Variants in PCYT1B observed in about 807,000 individuals in gnomAD.
The protein encoded by PCYT1B is phosphate cytidylyltransferase 1B, choline.
In PCYT1B, 10 loss-of-function variants were observed where a neutral mutation model predicts 26.4. The ratio of observed to expected loss-of-function variants is 0.38; its 90% CI spans 0.23 to 0.64. The LOEUF (loss-of-function observed/expected upper bound fraction) is 0.64. Among genes scored for constraint, PCYT1B ranks in the 30% least tolerant of loss-of-function variants. PCYT1B has a pLI of 0.56. For synonymous variants in PCYT1B, 131 were observed against 108.4 expected (o/e 1.21, Z -1.29); for missense variants, 161 against 292.7 (o/e 0.55, Z 3.28).
chrX:24,649,222 A>T (rs1486714286), upstream of PCYT1B, among the ~76,000 whole-genome samples: 1 of 111,614 alleles, frequency 9.0e-6, no homozygotes, highest in African/African-American at 3.3e-5. Flanking sequence ...TACATTTAGG[A>T]GCCCTTTTCC....
Position 24,579,420 on chromosome X carries a change from T to C in PCYT1B, c.604A>G (p.Thr202Ala). The stretch of plus-strand genomic sequence containing the variant: ...ACAATTCTGGTAATGATGTCCGATG[T>C]TGAGATGCCTTCTGTTCTCTGCGTT... Reference protein sequence around the residue: ...VPTQRTEGISTSDIITRIVRD... With the variant: ...VPTQRTEGISASDIITRIVRD... Residue 202 changes from threonine (T) to alanine (A), a missense_variant, in exon 6 of 8, where the codon ACA becomes GCA. Coordinates refer to ENST00000379144, the MANE Select transcript of PCYT1B (RefSeq NM_004845.5). The C allele has an allele frequency of 8.3e-7, 1 of 1,209,581 alleles. No individual in the cohort carries two copies. The highest frequency in any genetic ancestry group is 1.1e-6 in the Non-Finnish European group (1 of 893,618).
At chrX:24,565,017 G>T (rs1923576464) in intron 7 of PCYT1B, among the ~76,000 whole-genome samples, 1 of 110,285 alleles carries the variant, frequency 9.1e-6, no homozygotes, top group East Asian at 2.9e-4. Flanking sequence ...GGAGGTTTCG[G>T]TGGTTAAGAT....
intron 1 of PCYT1B, among the ~76,000 whole-genome samples, chrX:24,630,883 C>T (rs1926059782): frequency 8.9e-6 from 1 of 111,879 alleles, no homozygotes; most frequent in Non-Finnish European, 1.9e-5. Context: ...CTGATACACT[C>T]AACAACAGCC....
At chrX:24,654,696 G>A (rs1926864118) in intron 1 of PCYT1B, among the ~76,000 whole-genome samples, 2 of 93,668 alleles carry the variant, frequency 2.1e-5, no homozygotes, top group African/African-American at 4.0e-5. Context: ...GTTGCAGTGA[G>A]CCGAGATTGC....
At chrX:24,630,480 A>G (rs1926041984) in intron 1 of PCYT1B, among the ~76,000 whole-genome samples, 3 of 111,172 alleles carry the variant, frequency 2.7e-5, no homozygotes, top group Non-Finnish European at 3.8e-5. Context: ...TATTTTTGCT[A>G]GAGATGGGGT....
Position 24,666,606 on chromosome X carries a change from AGTGTGTGT to A in PCYT1B, c.63+5956_63+5963del, listed in dbSNP as rs3859985. Among the ~76,000 whole-genome samples, 616 of 100,876 alleles carry A rather than the reference AGTGTGTGT, an allele frequency of 6.1e-3. 1 individual carries two copies. The highest frequency in any genetic ancestry group is 0.019 in the African/African-American group (539 of 27,793). 87.6% of individuals were successfully genotyped at this position (100,876 alleles called of 115,157 possible). ...TTTTCTCTTTCCGTGTATGTGTGTG[AGTGTGTGT>A]GTGTGTGTGTGTGTGTGTGTGTGAG... On this transcript the variant is annotated intron_variant, in intron 1 of 7. Coordinates refer to the PCYT1B transcript ENST00000379145.
intron 1 of PCYT1B, among the ~76,000 whole-genome samples, chrX:24,628,894 C>T (rs1337772720): frequency 2.7e-5 from 3 of 111,724 alleles, no homozygotes; most frequent in Non-Finnish European, 5.7e-5. Context: ...TTACTTAGAT[C>T]AGGGGTATGA....
chrX:24,570,189 G>GAA (rs1176471313), intron 7 of PCYT1B, among the ~76,000 whole-genome samples: 7 of 31,661 alleles, frequency 2.2e-4, no homozygotes, highest in Admixed American at 3.7e-4. Context: ...CTCAGTCTCA[G>GAA]AAAAAAAAAA....
chrX:24,599,509 T>C (rs925558449), intron 3 of PCYT1B, among the ~76,000 whole-genome samples: 1 of 111,921 alleles, frequency 8.9e-6, no homozygotes, highest in African/African-American at 3.2e-5. Context: ...CATAAGTACA[T>C]CTCCAGGTAC....
In PCYT1B at chrX:24,618,316, G is replaced by A. The variant is rs191088332; in HGVS notation, c.217+669C>T. Among the ~76,000 whole-genome samples the A allele has an allele frequency of 1.3e-3, 143 of 112,125 alleles. 2 individuals are homozygous for A. Among genetic ancestry groups the A allele is most frequent in the Non-Finnish European group, 1.1e-3 (56 of 53,258 alleles). On this transcript the variant is annotated intron_variant, in intron 2 of 7. Coordinates refer to ENST00000379144, the MANE Select transcript of PCYT1B (RefSeq NM_004845.5). ...TATATGCCTTCATGGTTTTAAAAATGCTTTGGTACTTTTGATGAATCTAGT... is the reference window on the plus strand; with the variant it reads ...TATATGCCTTCATGGTTTTAAAAATACTTTGGTACTTTTGATGAATCTAGT...
intron 5 of PCYT1B, among the ~76,000 whole-genome samples, chrX:24,582,533 G>A (rs1410987065): frequency 1.8e-5 from 2 of 112,164 alleles, no homozygotes; most frequent in Non-Finnish European, 3.8e-5. Context: ...TCAGAATTGC[G>A]GCATTTGGTT....
intron 2 of PCYT1B, among the ~76,000 whole-genome samples, chrX:24,611,758 G>C (rs1569247119): frequency 9.0e-6 from 1 of 110,748 alleles, no homozygotes; most frequent in Non-Finnish European, 1.9e-5. Context: ...GATTACCTGA[G>C]GTCAGAAGTT....
chrX:24,661,474 C>A (rs1417194358), intron 1 of PCYT1B, among the ~76,000 whole-genome samples: 1 of 112,036 alleles, frequency 8.9e-6, no homozygotes, highest in East Asian at 2.8e-4. Flanking sequence ...CAATACCAAA[C>A]ATTATGTACT....
chrX:24,573,698 C>T, intron 7 of PCYT1B, among the ~76,000 whole-genome samples: 1 of 111,504 alleles, frequency 9.0e-6, no homozygotes, highest in East Asian at 2.8e-4. Context: ...AGGGTCTGTA[C>T]TTTGTCTGTT....
rs141424149 is a variant in PCYT1B, at chrX:24,559,000, G to C, written c.*3293C>G. The C allele has an allele frequency of 8.9e-6, 1 of 111,992 alleles. No homozygotes were observed. The highest frequency in any genetic ancestry group is 1.9e-5 in the Non-Finnish European group (1 of 53,204). The allele number at this position is 111,992 out of a possible 1,213,427, so 9.2% of individuals were successfully genotyped here. A position where few individuals can be genotyped will look rare whatever the true frequency, so the allele number is the denominator to read the frequency against. Reference sequence around the variant, plus strand: ...GAACCCTTCCCTCTTCACCTGTCAGGGGGTGAGTTAACACTTGAAAGGGAG... The same window carrying C: ...GAACCCTTCCCTCTTCACCTGTCAGCGGGTGAGTTAACACTTGAAAGGGAG... On this transcript the variant is annotated 3_prime_UTR_variant, in exon 8 of 8. Transcript: ENST00000379144.
intron 1 of PCYT1B, among the ~76,000 whole-genome samples, chrX:24,624,191 G>T (rs371452336): frequency 9.1e-6 from 1 of 110,080 alleles, no homozygotes; most frequent in African/African-American, 3.3e-5. Flanking sequence ...GGATGGTCTT[G>T]ATCTCCTGAC....
In PCYT1B at chrX:24,620,573, G is replaced by A. The variant is rs370589054; in HGVS notation, c.118-1489C>T. 6.2e-4 allele frequency among the ~76,000 whole-genome samples: 69 copies of A among 111,853 alleles called. No homozygotes were observed. The Middle Eastern group carries it at 0.014, about 23-fold the overall frequency. On this transcript the variant is annotated intron_variant, in intron 1 of 7. Coordinates refer to ENST00000379144, the MANE Select transcript of PCYT1B (RefSeq NM_004845.5). ...AGTGGCATTTGTAATGTAGCAAAGG[G>A]GTGCAGTGACAAGAACAAAAACTCT...
chrX:24,653,825 G>A (rs1926835380), intron 1 of PCYT1B, among the ~76,000 whole-genome samples: 1 of 108,582 alleles, frequency 9.2e-6, no homozygotes, highest in Non-Finnish European at 1.9e-5. Context: ...GATCATCTTG[G>A]CTCACTGCAA....
At chrX:24,655,422 T>C (rs1270936017) in intron 1 of PCYT1B, among the ~76,000 whole-genome samples, 2 of 112,412 alleles carry the variant, frequency 1.8e-5, no homozygotes, top group African/African-American at 6.5e-5. Context: ...TTCAGTTCAT[T>C]TCATATTTGT....
Sources: gnomAD v4.1 joint callset for allele counts (sites outside exome capture counted in the v4.1 genomes callset) on GRCh38, gnomAD v4.1.1 for gene constraint, MANE v1.5 for transcripts, NCBI Gene and HGNC (gene_info 2026-07-23, HGNC 2026-07-21) for gene names.